Variants in MAST4 observed in about 807,000 individuals in gnomAD.
The protein encoded by MAST4 is microtubule-associated serine/threonine-protein kinase 4.
A neutral mutation model predicts 162.7 loss-of-function variants in MAST4; 89 were observed. The observed-to-expected ratio is 0.55, with a 90% CI of 0.46 to 0.65. The LOEUF (loss-of-function observed/expected upper bound fraction) is 0.65, where lower values mean the gene tolerates loss of function less well. MAST4 is among the 30% of genes least tolerant of loss of function. The pLI is 0.00. For synonymous variants in MAST4, 1,479 were observed against 1,361.1 expected (o/e 1.09, Z -1.91); for missense variants, 3,153 against 3,374.0 (o/e 0.93, Z 1.62).
intron 1 of MAST4, among the ~76,000 whole-genome samples, chr5:66,622,211 A>T (rs962366695): frequency 6.6e-6 from 1 of 152,190 alleles, no homozygotes; most frequent in Non-Finnish European, 1.5e-5. Context: ...TTTGAACAAG[A>T]TGATGTGTTT....
chr5:67,071,382 T>G (rs1581435047), intron 5 of MAST4, among the ~76,000 whole-genome samples: 1 of 151,628 alleles, frequency 6.6e-6, no homozygotes, highest in African/African-American at 2.4e-5. Flanking sequence ...GGGAGGGAGG[T>G]AGATAGATAA....
At position 67,102,533 on chromosome 5, in the gene MAST4, C is replaced by T. The variant is rs1295160897; in HGVS notation, c.1071-3C>T. On this transcript the variant is annotated splice_polypyrimidine_tract_variant and splice_region_variant and intron_variant, in intron 8 of 28. Coordinates refer to ENST00000403625, the MANE Select transcript of MAST4 (RefSeq NM_001164664.2). ...TTAAAAGGGTAATTTGCTTTGCTTG[C>T]AGCCCTGGACGTTCTCCCGCCTGCT... 8 of 1,613,592 alleles carry T rather than the reference C, an allele frequency of 5.0e-6. No homozygotes were observed. Among genetic ancestry groups the T allele is most frequent in the Non-Finnish European group, 5.9e-6 (7 of 1,179,642 alleles).
At chr5:66,899,158 A>C (rs1054049687) in intron 3 of MAST4, among the ~76,000 whole-genome samples, 2 of 152,162 alleles carry the variant, frequency 1.3e-5, no homozygotes, top group African/African-American at 4.8e-5. Context: ...ATTATTCTTG[A>C]GCTTTGAAAA....
At chr5:66,708,608 A>G (rs1266733401) in intron 1 of MAST4, among the ~76,000 whole-genome samples, 2 of 152,166 alleles carry the variant, frequency 1.3e-5, no homozygotes, top group Non-Finnish European at 2.9e-5. Context: ...TGTTTTGTCT[A>G]AACTTAGCCT....
At chr5:66,767,679 T>C (rs1197183383) in intron 2 of MAST4, among the ~76,000 whole-genome samples, 3 of 152,010 alleles carry the variant, frequency 2.0e-5, no homozygotes, top group South Asian at 2.1e-4. Context: ...GGTCCCACAA[T>C]AGGCCATTTG....
chr5:66,759,694 T>C lies in MAST4; in HGVS notation c.364-15T>C. The stretch of plus-strand genomic sequence containing the variant: ...GATGCCCTAGCCAGTGATGCCATTC[T>C]TCCTCTTTCTGCAGCTTGACCACAT... On this transcript the variant is annotated splice_polypyrimidine_tract_variant and intron_variant, in intron 1 of 28. Coordinates refer to ENST00000403625, the MANE Select transcript of MAST4 (RefSeq NM_001164664.2). 6.2e-7 allele frequency: 1 copy of C among 1,613,356 alleles called. No homozygotes were observed. Among genetic ancestry groups the C allele is most frequent in the Non-Finnish European group, 8.5e-7 (1 of 1,179,484 alleles).
At chr5:66,781,367 A>G (rs1754861941) in intron 2 of MAST4, among the ~76,000 whole-genome samples, 1 of 152,176 alleles carries the variant, frequency 6.6e-6, no homozygotes, top group African/African-American at 2.4e-5. Flanking sequence ...ATTAGCCAAA[A>G]CCTATTAACC....
chr5:66,805,027 C>T (rs373193147), intron 3 of MAST4, among the ~76,000 whole-genome samples: 1 of 152,216 alleles, frequency 6.6e-6, no homozygotes, highest in Admixed American at 6.5e-5. Context: ...TTTGAAGTGG[C>T]TTCTGAATTT....
intron 10 of MAST4, among the ~76,000 whole-genome samples, chr5:67,108,578 ATAG>A (rs1765856260): frequency 6.6e-6 from 1 of 152,184 alleles, no homozygotes; most frequent in African/African-American, 2.4e-5. Flanking sequence ...ACCTGTCGTT[ATAG>A]TTACTAGTTG....
At position 67,168,948 on chromosome 5, in the gene MAST4, T is replaced by C. The variant is rs1314383926; in HGVS notation, c.*1897T>C. 1 of 152,196 alleles carries C rather than the reference T, an allele frequency of 6.6e-6. No homozygotes were observed. The highest frequency in any genetic ancestry group is 1.5e-5 in the Non-Finnish European group (1 of 68,038). The allele number at this position is 152,196 out of a possible 1,614,324, so 9.4% of individuals were successfully genotyped here. ...AAAGCCTCCTCCTTGCCCCTAATTT[T>C]TTTTTCCCATATGGTTTTAGCCATT... On this transcript the variant is annotated 3_prime_UTR_variant, in exon 29 of 29. Coordinates refer to ENST00000403625, the MANE Select transcript of MAST4 (RefSeq NM_001164664.2).
chr5:67,013,156 T>C (rs535167027), intron 4 of MAST4, among the ~76,000 whole-genome samples: 128 of 152,348 alleles, frequency 8.4e-4, no homozygotes, highest in African/African-American at 2.9e-3. Context: ...CAGGCAGTAG[T>C]ACAAGCAAAA....
rs185078793 is a variant in MAST4 at position 66,641,222 on chromosome 5, G to A, written c.363+44204G>A. Among the ~76,000 whole-genome samples, 8 of 152,000 alleles carry A rather than the reference G, an allele frequency of 5.3e-5. No homozygotes were observed. The East Asian group carries it at 9.7e-4, about 18-fold the overall frequency. On this transcript the variant is annotated intron_variant, in intron 1 of 28. Coordinates refer to ENST00000403625, the MANE Select transcript of MAST4 (RefSeq NM_001164664.2). Reference sequence around the variant, plus strand: ...GGCTGAAGTGCGGTGGTATGATCTCGGCTCATTGCAACTTTGCCTCATGGG... The same window carrying A: ...GGCTGAAGTGCGGTGGTATGATCTCAGCTCATTGCAACTTTGCCTCATGGG...
rs575144476 is a variant in MAST4, at chr5:66,963,925, G to T, written c.674+63943G>T. 104 of 737,504 alleles carry T rather than the reference G, an allele frequency of 1.4e-4. No homozygotes were observed. In the African/African-American group the frequency reaches 1.8e-3, roughly 12 times the overall value. The allele number at this position is 737,504 out of a possible 1,614,324, so 45.7% of individuals were successfully genotyped here. A position where few individuals can be genotyped will look rare whatever the true frequency, so the allele number is the denominator to read the frequency against. ...AAACTGGTTGAATTGTTTACTTGGT[G>T]ACTTACTTGATCACTTACTCTATTT... On this transcript the variant is annotated intron_variant, in intron 4 of 28. Coordinates refer to ENST00000403625, the MANE Select transcript of MAST4 (RefSeq NM_001164664.2).
At chr5:66,902,571 C>A in intron 4 of MAST4, 1 of 289,892 alleles carries the variant, frequency 3.4e-6, no homozygotes, top group Non-Finnish European at 7.2e-6. Context: ...AATTCACATC[C>A]CCACTAATTT....
chr5:66,909,316 T>C (rs920580971), intron 4 of MAST4, among the ~76,000 whole-genome samples: 2 of 152,184 alleles, frequency 1.3e-5, no homozygotes, highest in Non-Finnish European at 2.9e-5. Context: ...GTGAAGGAAC[T>C]CACTCCCTGT....
At chr5:66,750,197 G>A (rs563977570) in intron 1 of MAST4, among the ~76,000 whole-genome samples, 1 of 152,238 alleles carries the variant, frequency 6.6e-6, no homozygotes, top group East Asian at 1.9e-4. Flanking sequence ...CATTATGTAT[G>A]CAGATGACAT....
rs1364597496 is a variant in MAST4, at chr5:67,162,593, C to T, written c.3786-14C>T. On this transcript the variant is annotated splice_polypyrimidine_tract_variant and intron_variant, in intron 27 of 28. Coordinates refer to ENST00000403625, the MANE Select transcript of MAST4 (RefSeq NM_001164664.2). ...TGAAAGAAGACTGAACAATTTTTTCCTGTTTTTCTGTAGGAGGAGATCTCT... is the reference window on the plus strand; with the variant it reads ...TGAAAGAAGACTGAACAATTTTTTCTTGTTTTTCTGTAGGAGGAGATCTCT... 1 of 1,611,204 alleles carries T rather than the reference C, an allele frequency of 6.2e-7. No homozygotes were observed. The highest frequency in any genetic ancestry group is 1.1e-5 in the South Asian group (1 of 90,724).
intron 1 of MAST4, among the ~76,000 whole-genome samples, chr5:66,650,865 A>G (rs745864344): frequency 1.3e-5 from 2 of 152,244 alleles, no homozygotes; most frequent in Admixed American, 6.5e-5. Flanking sequence ...AAACTGGCAC[A>G]TTGTCACTTC....
intron 4 of MAST4, among the ~76,000 whole-genome samples, chr5:66,908,012 T>C (rs1161949789): frequency 6.6e-6 from 1 of 152,222 alleles, no homozygotes; most frequent in Non-Finnish European, 1.5e-5. Flanking sequence ...TCATTTTGAA[T>C]GTTAGAAACC....
Sources: gnomAD v4.1 joint callset for allele counts (sites outside exome capture counted in the v4.1 genomes callset) on GRCh38, gnomAD v4.1.1 for gene constraint, MANE v1.5 for transcripts, NCBI Gene and HGNC (gene_info 2026-07-23, HGNC 2026-07-21) for gene names.